Variants in ABLIM2 observed in about 807,000 individuals in gnomAD.
ABLIM2 encodes actin binding LIM protein family member 2.
In ABLIM2, 53 loss-of-function variants were observed where a neutral mutation model predicts 97.7. The ratio of observed to expected loss-of-function variants is 0.54; its 90% CI spans 0.44 to 0.68. ABLIM2 has a LOEUF of 0.68. Among genes scored for constraint, ABLIM2 ranks in the 30% least tolerant of loss-of-function variants. The pLI, the probability that ABLIM2 is intolerant of heterozygous loss-of-function variation, is 0.00. For missense variants in ABLIM2, 835 were observed against 867.2 expected (o/e 0.96, Z 0.47); for synonymous variants, 361 against 345.8 (o/e 1.04, Z -0.49).
intron 20 of ABLIM2, among the ~76,000 whole-genome samples, chr4:7,973,204 G>A (rs1729694388): frequency 6.6e-6 from 1 of 151,982 alleles, no homozygotes; most frequent in South Asian, 2.1e-4. Context: ...GGCTGCTGGA[G>A]GAAGCATAAG....
rs182644426 is a variant in ABLIM2, at chr4:8,132,090, C to T, written c.11-25453G>A. 1.3e-5 allele frequency among the ~76,000 whole-genome samples: 2 copies of T among 152,272 alleles called. No individual in the cohort carries two copies. The highest frequency in any genetic ancestry group is 1.9e-4 in the East Asian group (1 of 5,172). ...GCCTCGGGGTGCCTGGACATCCCTC[C>T]GTGGGGTGTGGTGTACTAGCGGGAT... On this transcript the variant is annotated intron_variant, in intron 1 of 20. Transcript: ENST00000447017. The surrounding 1 kb of genome is among the most constrained non-coding windows in gnomAD (Gnocchi z 8.0).
chr4:8,070,732 T>G (rs1395488267), intron 6 of ABLIM2, among the ~76,000 whole-genome samples: 2 of 151,214 alleles, frequency 1.3e-5, no homozygotes, highest in African/African-American at 2.4e-5. Flanking sequence ...GAACACACAG[T>G]GAGGCCAGGA....
rs1467130420 is a variant in ABLIM2, at chr4:8,082,557, A to C, written c.455-1755T>G. Among the ~76,000 whole-genome samples, 1 of 152,222 alleles carries C rather than the reference A, an allele frequency of 6.6e-6. No individual in the cohort carries two copies. Among genetic ancestry groups the C allele is most frequent in the Non-Finnish European group, 1.5e-5 (1 of 68,042 alleles). ...CATATTGTTTTTAACAATTAAAACA[A>C]ACGAACACTCACAAAGCCGTTGGTC... On this transcript the variant is annotated intron_variant, in intron 4 of 20. Transcript: ENST00000447017. The surrounding 1 kb of genome is among the most constrained non-coding windows in gnomAD (Gnocchi z 5.6).
At chr4:8,108,444 A>C (rs1314776690) in intron 1 of ABLIM2, among the ~76,000 whole-genome samples, 1 of 152,194 alleles carries the variant, frequency 6.6e-6, no homozygotes, top group Non-Finnish European at 1.5e-5. Flanking sequence ...CCGGCCCAGG[A>C]GTCAAGTCCG....
intron 8 of ABLIM2, among the ~76,000 whole-genome samples, chr4:8,050,519 G>C (rs1021010383): frequency 6.6e-6 from 1 of 152,200 alleles, no homozygotes; most frequent in African/African-American, 2.4e-5. Flanking sequence ...AGAGGGGCTA[G>C]GACCGGGAGT....
rs369888216 is a variant in ABLIM2 at position 7,983,476 on chromosome 4, A to G, written c.1743+71T>C. The G allele has an allele frequency of 8.0e-4, 1,287 of 1,603,178 alleles. 12 individuals are homozygous for G. The South Asian group carries it at 9.1e-3, about 11-fold the overall frequency. ...CACACACATTTCATAGGTAAAGCAC[A>G]ACAGAAAGGACTTTTAACCTGGGCA... On this transcript the variant is annotated intron_variant, in intron 19 of 20. Transcript: ENST00000447017.
chr4:8,106,430 C>T, intron 2 of ABLIM2, 64 bp downstream of exon 2: 1 of 1,552,840 alleles, frequency 6.4e-7, no homozygotes, highest in Non-Finnish European at 8.7e-7. Flanking sequence ...GCTTTGCGGG[C>T]CCAGGATCGC....
intron 16 of ABLIM2, among the ~76,000 whole-genome samples, chr4:7,995,803 G>A (rs573329353): frequency 6.6e-6 from 1 of 152,334 alleles, no homozygotes; most frequent in Admixed American, 6.5e-5. Context: ...ATGTGAGAGG[G>A]GCGGGGGTCG....
intron 1 of ABLIM2, among the ~76,000 whole-genome samples, chr4:8,136,697 G>A (rs1850242670): frequency 6.6e-6 from 1 of 152,232 alleles, no homozygotes. Flanking sequence ...ACAAGGCCGA[G>A]GGAAGCGGAG....
At chr4:8,025,088 C>T (rs932928049) in intron 12 of ABLIM2, among the ~76,000 whole-genome samples, 6 of 152,140 alleles carry the variant, frequency 3.9e-5, no homozygotes, top group African/African-American at 7.2e-5. Context: ...CCACCACACC[C>T]GGCTAATTTT....
rs1281468353 is a variant in ABLIM2 at position 8,023,997 on chromosome 4, C to T, written c.1268-3694G>A. On this transcript the variant is annotated intron_variant, in intron 12 of 20. Coordinates refer to ENST00000447017, the MANE Select transcript of ABLIM2 (RefSeq NM_001130083.2). This position sits in a 1 kb window ranked among gnomAD's most constrained non-coding sequence, Gnocchi z 5.7. ...ATGCCCATGCTGCAATGCACAGCCA[C>T]ATCCTGGGTCCTCAACCACAATCAC... 1.3e-5 allele frequency among the ~76,000 whole-genome samples: 2 copies of T among 152,168 alleles called. No individual in the cohort carries two copies. Among genetic ancestry groups the T allele is most frequent in the South Asian group, 2.1e-4 (1 of 4,828 alleles).
rs1434255294 is a variant in ABLIM2 at position 8,019,282 on chromosome 4, C to T, written c.1423+336G>A. Among the ~76,000 whole-genome samples, 2 of 152,320 alleles carry T rather than the reference C, an allele frequency of 1.3e-5. No homozygotes were observed. The highest frequency in any genetic ancestry group is 2.9e-5 in the Non-Finnish European group (2 of 68,028). On this transcript the variant is annotated intron_variant, in intron 14 of 20. Coordinates refer to ENST00000447017, the MANE Select transcript of ABLIM2 (RefSeq NM_001130083.2). This position sits in a 1 kb window ranked among gnomAD's most constrained non-coding sequence, Gnocchi z 4.3. ...TGGTTCTAGGAGCCTCTGTCCCTCA[C>T]CATCTTGGCTAAAGTCTCTCTGGCT...
intron 3 of ABLIM2, among the ~76,000 whole-genome samples, chr4:8,089,813 G>A (rs1430768981): frequency 1.3e-5 from 2 of 150,674 alleles, no homozygotes; most frequent in East Asian, 3.9e-4. Flanking sequence ...AGGAGACAAT[G>A]CATTCATTGT....
chr4:8,123,904 C>A lies in ABLIM2; in HGVS notation c.11-17267G>T, dbSNP rs1846632619. 6.6e-6 allele frequency among the ~76,000 whole-genome samples: 1 copy of A among 152,226 alleles called. No homozygotes were observed. Among genetic ancestry groups the A allele is most frequent in the Admixed American group, 6.5e-5 (1 of 15,302 alleles). The stretch of plus-strand genomic sequence containing the variant: ...TCTGGAGACACGGTTCCTTTGGGTT[C>A]AATGACAAAAATAACTTCATTTTGA... On this transcript the variant is annotated intron_variant, in intron 1 of 20. Transcript: ENST00000447017. This position sits in a 1 kb window ranked among gnomAD's most constrained non-coding sequence, Gnocchi z 6.2.
At position 8,091,655 on chromosome 4, in the gene ABLIM2, T is replaced by C. The variant is rs1203674996; in HGVS notation, c.339-3371A>G. On this transcript the variant is annotated intron_variant, in intron 3 of 20. Coordinates refer to ENST00000447017, the MANE Select transcript of ABLIM2 (RefSeq NM_001130083.2). ...TATATATATAATTTTATATATTATA[T>C]AATTATATATTATATAAAATTATAT... Among the ~76,000 whole-genome samples the C allele has an allele frequency of 2.5e-4, 19 of 74,916 alleles. 2 individuals carry two copies. Among genetic ancestry groups the C allele is most frequent in the African/African-American group, 1.0e-3 (19 of 18,412 alleles). 49.1% of individuals were successfully genotyped at this position (74,916 alleles called of 152,430 possible).
intron 17 of ABLIM2, among the ~76,000 whole-genome samples, chr4:7,991,662 C>G (rs1484471870): frequency 6.6e-6 from 1 of 152,172 alleles, no homozygotes; most frequent in African/African-American, 2.4e-5. Context: ...ATGCATGGTC[C>G]CCAGTTAGGC....
At chr4:8,086,654 C>G (rs1823888642) in intron 4 of ABLIM2, among the ~76,000 whole-genome samples, 1 of 152,150 alleles carries the variant, frequency 6.6e-6, no homozygotes, top group South Asian at 2.1e-4. Flanking sequence ...CCATGTTTCC[C>G]TTTTTAATTT....
chr4:8,101,519 T>C (rs1358198114), intron 2 of ABLIM2, among the ~76,000 whole-genome samples: 3 of 152,206 alleles, frequency 2.0e-5, no homozygotes, highest in South Asian at 4.1e-4. Context: ...CCAGACCGCC[T>C]AGAACAGGCG....
chr4:8,149,505 G>C lies in ABLIM2; in HGVS notation c.10+9175C>G, dbSNP rs1001350112. ...TTGGTCTGTGTCCACAGGTTCAGAG[G>C]AAGGAGGGAAGCAGAGGGCCTAGAG... On this transcript the variant is annotated intron_variant, in intron 1 of 20. Coordinates refer to ENST00000447017, the MANE Select transcript of ABLIM2 (RefSeq NM_001130083.2). This position sits in a 1 kb window ranked among gnomAD's most constrained non-coding sequence, Gnocchi z 6.4. 3.3e-5 allele frequency among the ~76,000 whole-genome samples: 5 copies of C among 151,956 alleles called. No homozygotes were observed. The highest frequency in any genetic ancestry group is 5.9e-5 in the Non-Finnish European group (4 of 67,988).
Sources: gnomAD v4.1 joint callset for allele counts (sites outside exome capture counted in the v4.1 genomes callset) on GRCh38, gnomAD v4.1.1 for gene constraint, Gnocchi (gnomAD v3.1) non-coding constraint, MANE v1.5 for transcripts, NCBI Gene and HGNC (gene_info 2026-07-23, HGNC 2026-07-21) for gene names.